TEX14: variants seen among roughly 807,000 people sequenced by gnomAD.
TEX14 encodes inactive serine/threonine-protein kinase TEX14.
A neutral mutation model predicts 178.6 loss-of-function variants in TEX14; 168 were observed. The observed-to-expected ratio is 0.94, with a 90% CI of 0.83 to 1.07. The LOEUF is 1.07. Among genes scored for constraint, TEX14 ranks in the 50% least tolerant of loss-of-function variants. TEX14 has a pLI of 0.00. For missense variants in TEX14, 1,730 were observed against 1,753.6 expected (o/e 0.99, Z 0.24); for synonymous variants, 626 against 634.1 (o/e 0.99, Z 0.19).
rs976350503 is a variant in TEX14, at chr17:58,599,164, G to T, written c.2181C>A (p.Ile727=). Residue 727 remains isoleucine, a synonymous_variant, in exon 14 of 32, where the codon ATC becomes ATA. Coordinates refer to ENST00000349033, the MANE Select transcript of TEX14 (RefSeq NM_031272.5). ...NNMSTTEEYL[I]SKCVLDLKIM... Reference sequence around the variant, plus strand: ...TCTTTAGATCCAGCACACACTTACTGATGAGATACTCCTCAGTCGTGGACA... The same window carrying T: ...TCTTTAGATCCAGCACACACTTACTTATGAGATACTCCTCAGTCGTGGACA... 1.2e-6 allele frequency: 2 copies of T among 1,614,080 alleles called. No homozygotes were observed. Among genetic ancestry groups the T allele is most frequent in the South Asian group, 2.2e-5 (2 of 91,076 alleles).
chr17:58,677,554 C>T (rs2047414481), intron 1 of TEX14: 1 of 152,198 alleles, frequency 6.6e-6, no homozygotes, highest in Non-Finnish European at 1.5e-5. Context: ...TGGCTACTTC[C>T]CATTTGACAA....
At chr17:58,686,321 G>A (rs944028014) in intron 1 of TEX14, among the ~76,000 whole-genome samples, 2 of 152,098 alleles carry the variant, frequency 1.3e-5, no homozygotes, top group African/African-American at 2.4e-5. Flanking sequence ...GGAAGGAGGT[G>A]TCAAGGATGA....
intron 28 of TEX14, among the ~76,000 whole-genome samples, chr17:58,563,621 TTATATATATATATATATA>T (rs3034889): frequency 0.04 from 1,846 of 46,490 alleles, 46 homozygotes; most frequent in East Asian, 0.077. Flanking sequence ...CATCTCTAAT[TTATATATATATATATATA>T]TATATATATA....
At chr17:58,651,168 T>C (rs2046832163) in intron 2 of TEX14, among the ~76,000 whole-genome samples, 1 of 152,134 alleles carries the variant, frequency 6.6e-6, no homozygotes, top group Non-Finnish European at 1.5e-5. Context: ...TCCCAGTTAT[T>C]TGGGAAGCTG....
At chr17:58,605,352 G>C (rs934168109) in intron 10 of TEX14, among the ~76,000 whole-genome samples, 1 of 152,166 alleles carries the variant, frequency 6.6e-6, no homozygotes, top group East Asian at 1.9e-4. Flanking sequence ...GTGTCACCAG[G>C]CCCGGCTAAT....
intron 2 of TEX14, among the ~76,000 whole-genome samples, chr17:58,633,576 T>C (rs2046368167): frequency 6.6e-6 from 1 of 152,152 alleles, no homozygotes; most frequent in Non-Finnish European, 1.5e-5. Flanking sequence ...ACGGCTGTAA[T>C]CCCAGCACTT....
chr17:58,593,491 G>T, intron 15 of TEX14, 64 bp downstream of exon 15: 1 of 1,194,902 alleles, frequency 8.4e-7, no homozygotes, highest in Non-Finnish European at 1.2e-6. Flanking sequence ...TCACTGAGTG[G>T]CCTCAGAGAC....
Position 58,613,490 on chromosome 17 carries a change from G to C in TEX14, c.936C>G (p.Asp312Glu). Reference sequence around the variant, plus strand: ...CGTACACAAGGCGGGTTTTCTCTAGGTCCTGGGAGAGACACACAGCCATCA... The same window carrying C: ...CGTACACAAGGCGGGTTTTCTCTAGCTCCTGGGAGAGACACACAGCCATCA... ...LQLMAVCLSQ[D>E]LEKTRLVYER... Residue 312 changes from aspartate (D) to glutamate (E), a missense_variant, in exon 9 of 32, where the codon GAC (aspartate) becomes GAG (glutamate). Physicochemically the swap from Asp to Glu is conservative, Grantham distance 45. Transcript: ENST00000349033. 6.2e-7 allele frequency: 1 copy of C among 1,614,102 alleles called. No homozygotes were observed. The highest frequency in any genetic ancestry group is 1.7e-5 in the Admixed American group (1 of 60,016).
intron 2 of TEX14, among the ~76,000 whole-genome samples, chr17:58,649,614 A>G (rs2046796417): frequency 6.6e-6 from 1 of 152,194 alleles, no homozygotes; most frequent in Non-Finnish European, 1.5e-5. Flanking sequence ...TGTCTAGGAG[A>G]TAATAAATGT....
chr17:58,616,200 T>G lies in TEX14; in HGVS notation c.742A>C (p.Ser248Arg). The change falls in exon 7 of 32, where the codon AGC becomes CGC. Residue 248 changes from serine to arginine, a missense_variant. Around this residue, in one of 2 missense-constraint regions of TEX14, gnomAD observed 789 missense variants for 681.2 expected, o/e 1.16. Coordinates refer to ENST00000349033, the MANE Select transcript of TEX14 (RefSeq NM_031272.5). Reference sequence around the variant, plus strand: ...TTGGTCATGACCATGTAGGGGCCGCTGAAGAAAGAGAAGGTGGGCTCATCA... The same window carrying G: ...TTGGTCATGACCATGTAGGGGCCGCGGAAGAAAGAGAAGGTGGGCTCATCA... ...ADDEPTFSFF[S>R]GPYMVMTNLV... 1 of 1,613,866 alleles carries G rather than the reference T, an allele frequency of 6.2e-7. No homozygotes were observed. Among genetic ancestry groups the G allele is most frequent in the Non-Finnish European group, 8.5e-7 (1 of 1,179,908 alleles).
At chr17:58,563,695 AGAGAGAGC>A (rs200464963) in intron 28 of TEX14, among the ~76,000 whole-genome samples, 6,590 of 34,620 alleles carry the variant, frequency 0.19, 579 homozygotes, top group Non-Finnish European at 0.21. Context: ...AGAGAGAGAG[AGAGAGAGC>A]GCAAGATCAT....
chr17:58,673,014 G>T (rs2047328396), intron 1 of TEX14, among the ~76,000 whole-genome samples: 1 of 152,088 alleles, frequency 6.6e-6, no homozygotes, highest in Non-Finnish European at 1.5e-5. Flanking sequence ...TTACAGGCAT[G>T]AGCCACCACG....
intron 29 of TEX14, among the ~76,000 whole-genome samples, chr17:58,560,885 T>C (rs2144325470): frequency 6.6e-6 from 1 of 152,370 alleles, no homozygotes; most frequent in East Asian, 1.9e-4. Context: ...ATTGACCTTT[T>C]CAGCACTTCA....
chr17:58,659,291 C>T (rs956621297), intron 1 of TEX14: 3 of 961,444 alleles, frequency 3.1e-6, no homozygotes, highest in Non-Finnish European at 3.7e-6. Flanking sequence ...CGTCTCTCCC[C>T]CGCCACAAAG....
At chr17:58,566,798 C>CAA (rs755657065) in intron 26 of TEX14, among the ~76,000 whole-genome samples, 90 of 65,186 alleles carry the variant, frequency 1.4e-3, no homozygotes, top group African/African-American at 1.8e-3. Context: ...GACTCTGTCT[C>CAA]AAAAAAAAAA....
intron 20 of TEX14, among the ~76,000 whole-genome samples, chr17:58,577,829 G>C (rs890287486): frequency 9.2e-5 from 14 of 152,226 alleles, no homozygotes; most frequent in Non-Finnish European, 1.8e-4. Context: ...AACAAGAACT[G>C]TTTGTTAACT....
chr17:58,630,260 G>A (rs1332270576), intron 3 of TEX14, among the ~76,000 whole-genome samples, 180 bp downstream of exon 3: 1 of 151,332 alleles, frequency 6.6e-6, no homozygotes, highest in African/African-American at 2.4e-5. Context: ...GTTTCACCAT[G>A]TTGGTGAGGC....
At chr17:58,666,402 T>C (rs2047206064) in intron 1 of TEX14, 2 of 129,476 alleles carry the variant, frequency 1.5e-5, no homozygotes, top group African/African-American at 2.9e-5. Context: ...AGCGCATGAA[T>C]TCGGATGCCA....
rs970036496 is a variant in TEX14, at chr17:58,683,378, C to A, written c.-2+8561G>T. 8.8e-5 allele frequency among the ~76,000 whole-genome samples: 13 copies of A among 147,508 alleles called. No homozygotes were observed. In the East Asian group the frequency reaches 1.4e-3, roughly 16 times the overall value. ...ACAAAGCAAGACTCCATCCCCCCCC[C>A]CAAAAAAAAAAGGAAATATATGTTT... is the stretch of plus-strand genomic sequence containing the variant. On this transcript the variant is annotated intron_variant, in intron 1 of 31. Coordinates refer to ENST00000349033, the MANE Select transcript of TEX14 (RefSeq NM_031272.5).
Sources: allele counts gnomAD v4.1 joint callset (sites outside exome capture counted in the v4.1 genomes callset), GRCh38; gene constraint gnomAD v4.1.1; regional missense constraint gnomAD v4.1.1; transcripts MANE v1.5; gene names NCBI Gene and HGNC (gene_info 2026-07-23, HGNC 2026-07-21).